The following SCN9A variants were observed in gnomAD, a reference collection of about 807,000 sequenced individuals.
SCN9A encodes sodium voltage-gated channel alpha subunit 9, also known as sodium channel protein type 9 subunit alpha.
In SCN9A, 131 loss-of-function variants were observed where a neutral mutation model predicts 187.0. The observed-to-expected ratio is 0.70, with a 90% CI of 0.61 to 0.81. The LOEUF is 0.81. SCN9A is among the 30% of genes least tolerant of loss of function. The pLI is 0.00. For synonymous variants in SCN9A, 809 were observed against 808.6 expected (o/e 1.00, Z -0.01); for missense variants, 2,252 against 2,396.6 (o/e 0.94, Z 1.26).
chr2:166,363,589 T>C (rs1700340786), intron 1 of SCN9A, among the ~76,000 whole-genome samples: 1 of 151,846 alleles, frequency 6.6e-6, no homozygotes, highest in Non-Finnish European at 1.5e-5. Context: ...AAGGCACATG[T>C]TCAGAGTAAG....
chr2:166,222,960 A>AAAAAAAAAAAAAAAAC (rs1694679587), intron 24 of SCN9A, among the ~76,000 whole-genome samples: 2 of 146,692 alleles, frequency 1.4e-5, no homozygotes, highest in Admixed American at 6.8e-5. Context: ...AAAAAAAAAA[A>AAAAAAAAAAAAAAAAC]AAAAAAAAAA....
chr2:166,372,809 A>G (rs559723934), intron 1 of SCN9A, among the ~76,000 whole-genome samples: 1 of 152,296 alleles, frequency 6.6e-6, no homozygotes, highest in East Asian at 1.9e-4. Context: ...TTATATAAAT[A>G]TCTACGAACC....
intron 1 of SCN9A, among the ~76,000 whole-genome samples, chr2:166,351,640 C>T (rs1700035351): frequency 6.6e-6 from 1 of 152,108 alleles, no homozygotes; most frequent in South Asian, 2.1e-4. Flanking sequence ...ATTCATCAGT[C>T]TTTGCTATGG....
chr2:166,293,697 T>C (rs1698178732), intron 8 of SCN9A, among the ~76,000 whole-genome samples: 1 of 152,226 alleles, frequency 6.6e-6, no homozygotes, highest in African/African-American at 2.4e-5. Context: ...ATTAGCATCA[T>C]CATCATTAAA....
chr2:166,250,143 G>T (rs1274334337), intron 18 of SCN9A, among the ~76,000 whole-genome samples: 1 of 152,066 alleles, frequency 6.6e-6, no homozygotes, highest in Non-Finnish European at 1.5e-5. Flanking sequence ...TTTGTAGTTT[G>T]CTGATGTCTT....
intron 7 of SCN9A, among the ~76,000 whole-genome samples, chr2:166,296,936 G>A (rs145696036): frequency 0.012 from 1,832 of 152,104 alleles, 17 homozygotes; most frequent in Non-Finnish European, 0.016. Context: ...AGTGGCTCAC[G>A]CCTGTAATGC....
chr2:166,312,885 C>T (rs992324890), intron 1 of SCN9A, among the ~76,000 whole-genome samples: 11 of 150,618 alleles, frequency 7.3e-5, no homozygotes, highest in African/African-American at 2.7e-4. Context: ...ATGCTGTAAA[C>T]AGACGTGCTG....
intron 1 of SCN9A, among the ~76,000 whole-genome samples, chr2:166,342,858 G>A (rs1699818513): frequency 6.6e-6 from 1 of 152,110 alleles, no homozygotes; most frequent in South Asian, 2.1e-4. Flanking sequence ...TTCAACTTTG[G>A]AAACCACAGA....
chr2:166,294,719 A>G (rs1698225159), intron 7 of SCN9A, 57 bp from the exon 8 acceptor site: 2 of 1,228,506 alleles, frequency 1.6e-6, no homozygotes, highest in South Asian at 2.9e-5. Context: ...TGTGATTGTG[A>G]TAAAGGAGGT....
intron 12 of SCN9A, among the ~76,000 whole-genome samples, chr2:166,283,271 A>G (rs1311021498): frequency 1.3e-5 from 2 of 152,218 alleles, no homozygotes; most frequent in Non-Finnish European, 2.9e-5. Context: ...AATACCTTGC[A>G]GAAGGGCTTA....
chr2:166,257,633 T>C lies in SCN9A; in HGVS notation c.3352-5748A>G, dbSNP rs1259550244. ...TTAAGAGGATGACCATTCATTAACA[T>C]GTACCTCATCTTTTCTAACAGCTTG... is the stretch of plus-strand genomic sequence containing the variant. On this transcript the variant is annotated intron_variant, in intron 17 of 26. Coordinates refer to ENST00000642356, the MANE Select transcript of SCN9A (RefSeq NM_001365536.1). Among the ~76,000 whole-genome samples, 6 of 151,718 alleles carry C rather than the reference T, an allele frequency of 4.0e-5. No individual in the cohort carries two copies. The East Asian group carries it at 1.2e-3, about 30-fold the overall frequency.
chr2:166,278,001 G>A, intron 15 of SCN9A, 139 bp downstream of exon 15: 1 of 621,982 alleles, frequency 1.6e-6, no homozygotes, highest in Non-Finnish European at 2.6e-6. Context: ...ATTTGTCAAT[G>A]AATGGATTTT....
intron 1 of SCN9A, among the ~76,000 whole-genome samples, chr2:166,370,538 G>A (rs1038101020): frequency 6.8e-6 from 1 of 147,934 alleles, no homozygotes; most frequent in Non-Finnish European, 1.5e-5. Flanking sequence ...GCGAGACTCC[G>A]TCTCAAAAAA....
In SCN9A at chr2:166,316,166, A is replaced by G. The variant is rs564896690; in HGVS notation, c.-50-4360T>C. ...TGCTTTTCCTTTAATGAATAAAGAT[A>G]TTAATATATCTCATAAAATTTAGTA... On this transcript the variant is annotated intron_variant, in intron 1 of 26. Coordinates refer to ENST00000642356, the MANE Select transcript of SCN9A (RefSeq NM_001365536.1). Among the ~76,000 whole-genome samples, 3 of 152,312 alleles carry G rather than the reference A, an allele frequency of 2.0e-5. No individual in the cohort carries two copies. In the South Asian group the frequency reaches 6.2e-4, roughly 32 times the overall value.
At chr2:166,215,779 C>CAAAAA (rs33938188) in intron 24 of SCN9A, among the ~76,000 whole-genome samples, 128 of 134,762 alleles carry the variant, frequency 9.5e-4, no homozygotes, top group African/African-American at 3.3e-3. Context: ...GTCTCCTAAC[C>CAAAAA]AAAAAAAAAA....
intron 7 of SCN9A, chr2:166,298,790 G>C (rs1698428199): frequency 6.6e-6 from 1 of 152,126 alleles, no homozygotes; most frequent in South Asian, 2.1e-4. Flanking sequence ...CTACCAAATG[G>C]CTGAATGTTG....
intron 18 of SCN9A, among the ~76,000 whole-genome samples, chr2:166,247,777 C>T (rs920191067): frequency 3.3e-5 from 5 of 152,070 alleles, no homozygotes; most frequent in South Asian, 2.1e-4. Flanking sequence ...TTCGCTAACT[C>T]TAATCCTGAT....
intron 1 of SCN9A, among the ~76,000 whole-genome samples, chr2:166,339,320 C>G (rs1699708994): frequency 6.6e-6 from 1 of 152,074 alleles, no homozygotes; most frequent in Admixed American, 6.6e-5. Context: ...AGCTGACTCT[C>G]TGATATATAA....
In SCN9A at chr2:166,281,679, C is replaced by T; in HGVS notation, c.2104G>A (p.Glu702Lys). The T allele has an allele frequency of 6.2e-7, 1 of 1,612,082 alleles. No homozygotes were observed. Among genetic ancestry groups the T allele is most frequent in the Non-Finnish European group, 8.5e-7 (1 of 1,178,890 alleles). The stretch of plus-strand genomic sequence containing the variant: ...ACAGTAAAAGAAGATTATTACATAC[C>T]TTCCACAGTGTTTGTTAATATGCTT... ...RASILTNTVE[E>K]LEESRQKCPP... Residue 702 changes from glutamate (E) to lysine (K), a missense_variant and splice_region_variant, in exon 13 of 27, where the codon GAA (glutamate) becomes AAA (lysine). Physicochemically the swap from Glu to Lys is moderately conservative, Grantham distance 56. Around this residue, in one of 7 missense-constraint regions of SCN9A, gnomAD observed 1,013 missense variants for 997.4 expected, o/e 1.02. Coordinates refer to ENST00000642356, the MANE Select transcript of SCN9A (RefSeq NM_001365536.1).
Sources: allele counts gnomAD v4.1 joint callset (sites outside exome capture counted in the v4.1 genomes callset), GRCh38; gene constraint gnomAD v4.1.1; regional missense constraint gnomAD v4.1.1; transcripts MANE v1.5; gene names NCBI Gene and HGNC (gene_info 2026-07-23, HGNC 2026-07-21).